RTL4: variants seen among roughly 807,000 people sequenced by gnomAD.
RTL4 encodes the protein retrotransposon Gag-like protein 4.
A neutral mutation model predicts 5.3 loss-of-function variants in RTL4; 4 were observed. The ratio of observed to expected loss-of-function variants is 0.75; its 90% CI spans 0.37 to 1.72. The LOEUF (loss-of-function observed/expected upper bound fraction) is 1.72. RTL4 is among the 40% of genes most tolerant of loss of function. The pLI, the probability that RTL4 is intolerant of heterozygous loss-of-function variation, is 0.04. For missense variants in RTL4, 260 were observed against 227.1 expected (o/e 1.14, Z -0.93); for synonymous variants, 98 against 87.3 (o/e 1.12, Z -0.68).
chrX:112,290,051 G>A, the RTL4 span, among the ~76,000 whole-genome samples: 1 of 111,424 alleles, frequency 9.0e-6, no homozygotes, highest in Admixed American at 9.6e-5. Context: ...ACAACATGAA[G>A]TAGCCAAGAC....
At chrX:112,311,757 C>T in the RTL4 span, among the ~76,000 whole-genome samples, 4 of 110,973 alleles carry the variant, frequency 3.6e-5, no homozygotes, top group Admixed American at 2.9e-4. Context: ...CCTAACTCAT[C>T]CTCCTCTCTT....
chrX:112,258,733 T>C, the RTL4 span, among the ~76,000 whole-genome samples: 1 of 111,829 alleles, frequency 8.9e-6, no homozygotes, highest in African/African-American at 3.2e-5. Flanking sequence ...TTATCAGTTT[T>C]CCTACATGAC....
chrX:112,350,622 C>A, the RTL4 span, among the ~76,000 whole-genome samples: 18 of 111,554 alleles, frequency 1.6e-4, 2 homozygotes, highest in South Asian at 4.9e-3. Flanking sequence ...GGAATTTATC[C>A]ATTTCTTCTA....
chrX:112,139,435 T>C, the RTL4 span, among the ~76,000 whole-genome samples: 1 of 112,166 alleles, frequency 8.9e-6, no homozygotes, highest in African/African-American at 3.2e-5. Context: ...ACTACCACAG[T>C]AATTAATAAA....
chrX:112,405,655 T>C, the RTL4 span, among the ~76,000 whole-genome samples: 2 of 111,351 alleles, frequency 1.8e-5, no homozygotes, highest in Non-Finnish European at 3.8e-5. Context: ...ATACAGGTTC[T>C]GGAGGCGGAG....
chrX:112,256,073 T>G, the RTL4 span, among the ~76,000 whole-genome samples: 1 of 112,327 alleles, frequency 8.9e-6, no homozygotes, highest in African/African-American at 3.2e-5. Context: ...AACACCTGTT[T>G]GAGTGAGCTC....
chrX:112,450,315 T>C (rs1276731219), upstream of RTL4, among the ~76,000 whole-genome samples: 1 of 112,468 alleles, frequency 8.9e-6, no homozygotes, highest in Non-Finnish European at 1.9e-5. Context: ...ACCCATTTTT[T>C]GTTTTTGTAG....
the RTL4 span, among the ~76,000 whole-genome samples, chrX:112,258,399 G>A: frequency 9.0e-6 from 1 of 111,155 alleles, no homozygotes; most frequent in Non-Finnish European, 1.9e-5. Context: ...AAATGAATAT[G>A]TGGTAATTTT....
At chrX:112,362,404 T>A in the RTL4 span, among the ~76,000 whole-genome samples, 2 of 111,473 alleles carry the variant, frequency 1.8e-5, no homozygotes, top group African/African-American at 6.5e-5. Flanking sequence ...TGTTAGAAAA[T>A]GGGCAGAAGT....
the RTL4 span, among the ~76,000 whole-genome samples, chrX:112,364,577 T>A: frequency 3.6e-5 from 4 of 110,792 alleles, no homozygotes; most frequent in Non-Finnish European, 7.6e-5. Context: ...GTGGTGATGG[T>A]CATGGGAGTG....
At chrX:112,148,627 G>C in the RTL4 span, among the ~76,000 whole-genome samples, 4 of 112,058 alleles carry the variant, frequency 3.6e-5, no homozygotes, top group South Asian at 1.5e-3. Context: ...CAATAAGGCA[G>C]AGAGAACAGA....
the RTL4 span, among the ~76,000 whole-genome samples, chrX:112,234,724 A>G: frequency 1.8e-5 from 2 of 112,099 alleles, no homozygotes; most frequent in African/African-American, 6.5e-5. Context: ...TTTATACTCC[A>G]GAAAATCTGA....
chrX:112,152,730 T>C, the RTL4 span, among the ~76,000 whole-genome samples: 2 of 112,281 alleles, frequency 1.8e-5, no homozygotes, highest in Non-Finnish European at 3.8e-5. Flanking sequence ...ACTACCCTTT[T>C]CTCCACTAGA....
the RTL4 span, among the ~76,000 whole-genome samples, chrX:112,408,583 G>A: frequency 9.0e-6 from 1 of 111,198 alleles, no homozygotes; most frequent in Non-Finnish European, 1.9e-5. Context: ...AAAGAGATGG[G>A]GTAGAAAGTT....
chrX:112,227,338 C>T, the RTL4 span, among the ~76,000 whole-genome samples: 8 of 111,763 alleles, frequency 7.2e-5, no homozygotes, highest in Admixed American at 1.9e-4. Context: ...TATCAAAACT[C>T]GCTTTTCATG....
chrX:112,125,067 A>ATTT, the RTL4 span, among the ~76,000 whole-genome samples: 1 of 95,635 alleles, frequency 1.0e-5, no homozygotes. Flanking sequence ...CACCTGGCTA[A>ATTT]TTTTTTTTTT....
At chrX:112,177,050 T>C in the RTL4 span, among the ~76,000 whole-genome samples, 1 of 110,875 alleles carries the variant, frequency 9.0e-6, no homozygotes, top group African/African-American at 3.3e-5. Context: ...TACTATGGTG[T>C]TGGTTTTTTT....
chrX:112,086,014 A>T, the RTL4 span, among the ~76,000 whole-genome samples: 1 of 111,674 alleles, frequency 9.0e-6, no homozygotes, highest in African/African-American at 3.3e-5. Context: ...CCCAGCCTTC[A>T]GTATGCTAAG....
the RTL4 span, among the ~76,000 whole-genome samples, chrX:112,231,477 A>C: frequency 9.4e-6 from 1 of 106,187 alleles, no homozygotes; most frequent in Admixed American, 1.0e-4. Flanking sequence ...CAAGGACAAA[A>C]ACCAAACACT....
Sources: gnomAD v4.1 joint callset for allele counts (sites outside exome capture counted in the v4.1 genomes callset) on GRCh38, gnomAD v4.1.1 for gene constraint, MANE v1.5 for transcripts, NCBI Gene and HGNC (gene_info 2026-07-23, HGNC 2026-07-21) for gene names.